DAB2: variants seen among roughly 807,000 people sequenced by gnomAD.
DAB2 encodes DAB adaptor protein 2, also known as disabled homolog 2.
In DAB2, 28 loss-of-function variants were observed where a neutral mutation model predicts 71.6. That is an observed-to-expected ratio of 0.39 (90% CI 0.29 to 0.54). DAB2 has a LOEUF of 0.54. DAB2 is among the 20% of genes least tolerant of loss of function. DAB2 has a pLI of 0.68. For missense variants in DAB2, 867 were observed against 928.8 expected (o/e 0.93, Z 0.86); for synonymous variants, 345 against 339.7 (o/e 1.02, Z -0.17).
At chr5:39,420,066 A>G (rs1755943695) in intron 1 of DAB2, among the ~76,000 whole-genome samples, 1 of 152,158 alleles carries the variant, frequency 6.6e-6, no homozygotes, top group Non-Finnish European at 1.5e-5. Context: ...GATGGGCCCT[A>G]CTTCCAGAGT....
chr5:39,423,308 C>T (rs1416557650), intron 1 of DAB2, among the ~76,000 whole-genome samples: 1 of 1,100 alleles, frequency 9.1e-4, no homozygotes, highest in East Asian at 1.8e-3. Context: ...CTTCTTCATG[C>T]TTTCTCTAGA....
At chr5:39,398,449 T>C (rs918395621) in intron 1 of DAB2, among the ~76,000 whole-genome samples, 3 of 152,196 alleles carry the variant, frequency 2.0e-5, no homozygotes, top group African/African-American at 4.8e-5. Flanking sequence ...CCTTTGACTA[T>C]ATCCTTTCGC....
chr5:39,390,149 A>G (rs1755192049), intron 5 of DAB2, among the ~76,000 whole-genome samples: 1 of 152,166 alleles, frequency 6.6e-6, no homozygotes, highest in Non-Finnish European at 1.5e-5. Context: ...AACAAGAGGT[A>G]TCATGATCAT....
intron 1 of DAB2, among the ~76,000 whole-genome samples, chr5:39,396,864 GA>G (rs1755380028): frequency 6.6e-6 from 1 of 152,230 alleles, no homozygotes; most frequent in African/African-American, 2.4e-5. Context: ...GAAAGGTGTG[GA>G]AGGGTGTATG....
intron 1 of DAB2, among the ~76,000 whole-genome samples, chr5:39,401,990 C>T (rs1258477597): frequency 1.3e-5 from 2 of 152,026 alleles, no homozygotes; most frequent in Non-Finnish European, 2.9e-5. Flanking sequence ...TTCCACGTAG[C>T]TGGGGAGGCC....
intron 1 of DAB2, among the ~76,000 whole-genome samples, chr5:39,412,942 A>G (rs1755765403): frequency 6.6e-6 from 1 of 152,174 alleles, no homozygotes; most frequent in Non-Finnish European, 1.5e-5. Flanking sequence ...AATGCGTAAA[A>G]GATATTCATG....
intron 9 of DAB2, 158 bp downstream of exon 9, chr5:39,388,145 CTT>C: frequency 1.6e-6 from 1 of 612,120 alleles, no homozygotes; most frequent in Non-Finnish European, 2.9e-6. Flanking sequence ...CCCATGGTGA[CTT>C]AAGATTCACA....
chr5:39,389,469 G>A (rs1755173413), intron 6 of DAB2, among the ~76,000 whole-genome samples: 2 of 152,232 alleles, frequency 1.3e-5, no homozygotes, highest in South Asian at 2.1e-4. Flanking sequence ...TTTTCAGATA[G>A]ACCATATTTA....
chr5:39,409,276 T>C (rs560147732), intron 1 of DAB2, among the ~76,000 whole-genome samples: 2 of 152,192 alleles, frequency 1.3e-5, no homozygotes, highest in Non-Finnish European at 2.9e-5. Flanking sequence ...ACAAATATGT[T>C]TTGTGGGAAT....
Position 39,376,986 on chromosome 5 carries a change from C to T in DAB2, c.1801G>A (p.Ala601Thr), listed in dbSNP as rs1389935689. Residue 601 changes from alanine to threonine, a missense_variant, in exon 12 of 15, where the codon GCT (alanine) becomes ACT (threonine). By Grantham distance (58) the Ala-to-Thr change is moderately conservative. Coordinates refer to ENST00000320816, the MANE Select transcript of DAB2 (RefSeq NM_001343.4). ...GNPFQSNIFP[A>T]PAVSTQPPSM... ...GGGGGCTGAGTGGACACAGCAGGAG[C>T]TGGAAAAATATTGCTCTGAAAAGGA... The T allele has an allele frequency of 6.2e-7, 1 of 1,613,846 alleles. No individual in the cohort carries two copies. Among genetic ancestry groups the T allele is most frequent in the African/African-American group, 1.3e-5 (1 of 74,856 alleles).
intron 11 of DAB2, among the ~76,000 whole-genome samples, chr5:39,377,943 A>T (rs1579899162): frequency 6.6e-6 from 1 of 152,336 alleles, no homozygotes; most frequent in East Asian, 1.9e-4. Context: ...ATAGTTTTAG[A>T]CGTTTATATA....
chr5:39,378,672 G>A lies in DAB2; in HGVS notation c.1505-1390C>T, dbSNP rs546466265. Among the ~76,000 whole-genome samples, 6 of 152,248 alleles carry A rather than the reference G, an allele frequency of 3.9e-5. No individual in the cohort carries two copies. The East Asian group carries it at 9.6e-4, about 24-fold the overall frequency. ...ATTTCACTTAATCAGCATGCTTTTT[G>A]GAGGTGAGGAAACTGGGTGCAAGAA... On this transcript the variant is annotated intron_variant, in intron 11 of 14. Coordinates refer to ENST00000320816, the MANE Select transcript of DAB2 (RefSeq NM_001343.4).
intron 1 of DAB2, among the ~76,000 whole-genome samples, chr5:39,413,500 T>A (rs1755777464): frequency 6.6e-6 from 1 of 152,212 alleles, no homozygotes; most frequent in Non-Finnish European, 1.5e-5. Flanking sequence ...TTTTGAAATG[T>A]GAGCTCCTTT....
intron 1 of DAB2, chr5:39,417,526 T>C (rs965418575): frequency 1.3e-5 from 2 of 152,164 alleles, no homozygotes; most frequent in Admixed American, 6.5e-5. Context: ...TTATTTGACT[T>C]CCATTGTTCC....
In DAB2 at chr5:39,381,562, G is replaced by C; in HGVS notation, c.1396C>G (p.Pro466Ala). 6 of 1,614,072 alleles carry C rather than the reference G, an allele frequency of 3.7e-6. No homozygotes were observed. The highest frequency in any genetic ancestry group is 5.1e-6 in the Non-Finnish European group (6 of 1,179,978). The change falls in exon 11 of 15, where the codon CCT (proline) becomes GCT (alanine). Residue 466 changes from proline to alanine, a missense_variant. Pro to Ala is a conservative substitution (Grantham distance 27). Around this residue, in one of 2 missense-constraint regions of DAB2, gnomAD observed 740 missense variants for 734.3 expected, o/e 1.01. Coordinates refer to ENST00000320816, the MANE Select transcript of DAB2 (RefSeq NM_001343.4). ...SDIFAPPVSEPSGQASPTGQP... is the reference protein window; with the variant it reads ...SDIFAPPVSEASGQASPTGQP... ...CCTGTGGGTGACGCCTGGCCTGAAG[G>C]TTCTGAGACGGGAGGAGCAAAGATG...
intron 9 of DAB2, among the ~76,000 whole-genome samples, chr5:39,386,467 T>C (rs1398839297): frequency 6.6e-6 from 1 of 152,208 alleles, no homozygotes; most frequent in Non-Finnish European, 1.5e-5. Flanking sequence ...AGTCAATAGA[T>C]AAGAACATGT....
rs745559384 is a variant in DAB2, at chr5:39,376,000, G to C, written c.2244C>G (p.Ala748=). 6.2e-7 allele frequency: 1 copy of C among 1,611,536 alleles called. No homozygotes were observed. The highest frequency in any genetic ancestry group is 8.5e-7 in the Non-Finnish European group (1 of 1,177,674). The change falls in exon 13 of 15, where the codon GCC becomes GCG. Residue 748 remains alanine, a synonymous_variant. Coordinates refer to ENST00000320816, the MANE Select transcript of DAB2 (RefSeq NM_001343.4). ...GCTTCTAGTAGTTCATACTTACAGA[G>C]GCTTGTGATGAACCAAAAGAATCTT... ...FFKDSFGSSQ[A]SVASSQPVSS...
At position 39,383,273 on chromosome 5, in the gene DAB2, T is replaced by C. The variant is rs778338057; in HGVS notation, c.688-2A>G. ...CACTAACAGGATATCTTTGCTTTCC[T>C]ATCACATTTGGAAAGAAAAAAAAAG... is the stretch of plus-strand genomic sequence containing the variant. On this transcript the variant is annotated splice_acceptor_variant, in intron 9 of 14. Coordinates refer to ENST00000320816, the MANE Select transcript of DAB2 (RefSeq NM_001343.4). LOFTEE classifies it high-confidence loss of function. 3.1e-6 allele frequency: 5 copies of C among 1,593,768 alleles called. No homozygotes were observed. The highest frequency in any genetic ancestry group is 4.3e-6 in the Non-Finnish European group (5 of 1,168,722).
intron 1 of DAB2, among the ~76,000 whole-genome samples, chr5:39,410,471 T>A (rs1755697919): frequency 6.6e-6 from 1 of 152,118 alleles, no homozygotes; most frequent in East Asian, 1.9e-4. Context: ...ACTAGCCTGA[T>A]AAACAACTCT....
Sources: gnomAD v4.1 joint callset for allele counts (sites outside exome capture counted in the v4.1 genomes callset) on GRCh38, gnomAD v4.1.1 for gene constraint, gnomAD v4.1.1 regional missense constraint, MANE v1.5 for transcripts, NCBI Gene and HGNC (gene_info 2026-07-23, HGNC 2026-07-21) for gene names.